The following FGD5 variants were observed in gnomAD, a reference collection of about 807,000 sequenced individuals.
The protein encoded by FGD5 is FYVE, RhoGEF and PH domain-containing protein 5.
A neutral mutation model predicts 133.4 loss-of-function variants in FGD5; 28 were observed. The ratio of observed to expected loss-of-function variants is 0.21; its 90% CI spans 0.16 to 0.29. FGD5 has a LOEUF of 0.29. FGD5 is among the 10% of genes least tolerant of loss of function. The probability of loss-of-function intolerance (pLI) is 1.00; values close to 1 mark genes in which losing one functional copy is unlikely to be tolerated. For missense variants in FGD5, 1,858 were observed against 1,895.2 expected (o/e 0.98, Z 0.36); for synonymous variants, 810 against 776.5 (o/e 1.04, Z -0.72).
In FGD5 at chr3:14,831,728, A is replaced by G. The variant is rs374771496; in HGVS notation, c.2525+10132A>G. Among the ~76,000 whole-genome samples the G allele has an allele frequency of 3.2e-4, 48 of 152,338 alleles. No individual in the cohort carries two copies. The East Asian group carries it at 4.8e-3, about 15-fold the overall frequency. Reference sequence around the variant, plus strand: ...TCCGTAAGCAGTAGGGAGCTATTCAAAGTTTTAGAGCAAAGGGTGGGAGGT... The same window carrying G: ...TCCGTAAGCAGTAGGGAGCTATTCAGAGTTTTAGAGCAAAGGGTGGGAGGT... On this transcript the variant is annotated intron_variant, in intron 1 of 19. Coordinates refer to ENST00000285046, the MANE Select transcript of FGD5 (RefSeq NM_152536.4).
At chr3:14,870,821 T>C (rs2037592798) in intron 2 of FGD5, among the ~76,000 whole-genome samples, 1 of 152,094 alleles carries the variant, frequency 6.6e-6, no homozygotes, top group Non-Finnish European at 1.5e-5. Flanking sequence ...CCTCTTCCCA[T>C]CCCCGGCCTG....
At chr3:14,892,499 T>G (rs1447481696) in intron 4 of FGD5, among the ~76,000 whole-genome samples, 1 of 152,132 alleles carries the variant, frequency 6.6e-6, no homozygotes, top group Non-Finnish European at 1.5e-5. Context: ...GCATCTGGCC[T>G]AAAGAAGATC....
chr3:14,891,610 C>G (rs1159793269), intron 4 of FGD5, among the ~76,000 whole-genome samples: 1 of 152,214 alleles, frequency 6.6e-6, no homozygotes, highest in East Asian at 1.9e-4. Flanking sequence ...AGCTCATCCT[C>G]CCTCCTTGGG....
chr3:14,848,437 T>G (rs2037096142), intron 1 of FGD5, among the ~76,000 whole-genome samples: 1 of 151,804 alleles, frequency 6.6e-6, no homozygotes, highest in Admixed American at 6.6e-5. Context: ...GCTGCAGCCT[T>G]AACACCGCAG....
At position 14,884,823 on chromosome 3, in the gene FGD5, C is replaced by G. The variant is rs113209375; in HGVS notation, c.2748+4051C>G. 2.1e-3 allele frequency among the ~76,000 whole-genome samples: 319 copies of G among 152,264 alleles called. 2 individuals carry two copies. Among genetic ancestry groups the G allele is most frequent in the African/African-American group, 7.1e-3 (297 of 41,556 alleles). On this transcript the variant is annotated intron_variant, in intron 4 of 19. Transcript: ENST00000285046. Reference sequence around the variant, plus strand: ...GACCAACTCAGCATTCCACTGGAGGCTATATGATCAAACAGCAAACTGTTT... The same window carrying G: ...GACCAACTCAGCATTCCACTGGAGGGTATATGATCAAACAGCAAACTGTTT...
intron 1 of FGD5, among the ~76,000 whole-genome samples, chr3:14,850,023 G>T (rs1278721462): frequency 2.6e-5 from 4 of 152,194 alleles, no homozygotes; most frequent in Non-Finnish European, 5.9e-5. Context: ...TTCAGATGTG[G>T]TGTGTGGTTA....
upstream of FGD5, among the ~76,000 whole-genome samples, chr3:14,815,700 G>A (rs1488411447): frequency 6.6e-6 from 1 of 152,138 alleles, no homozygotes; most frequent in African/African-American, 2.4e-5. Flanking sequence ...GGTCACCGTG[G>A]CCTTAGTTTC....
rs869290486 is a variant in FGD5 at position 14,844,217 on chromosome 3, A to AATAT, written c.2526-19859_2526-19856dup. Among the ~76,000 whole-genome samples, 58 of 20,264 alleles carry AATAT rather than the reference A, an allele frequency of 2.9e-3. 1 individual carries two copies. The highest frequency in any genetic ancestry group is 3.3e-3 in the African/African-American group (16 of 4,802). 13.3% of individuals were successfully genotyped at this position (20,264 alleles called of 152,430 possible). A position where few individuals can be genotyped will look rare whatever the true frequency, so the allele number is the denominator to read the frequency against. On this transcript the variant is annotated intron_variant, in intron 1 of 19. Transcript: ENST00000285046. ...CTTAATAGGCATTAAAAAAAAAAAA[A>AATAT]ATATATATATATATATATATATATA... is the stretch of plus-strand genomic sequence containing the variant.
At chr3:14,915,293 A>G (rs2038530846) in intron 11 of FGD5, among the ~76,000 whole-genome samples, 2 of 152,292 alleles carry the variant, frequency 1.3e-5, no homozygotes, top group Middle Eastern at 3.4e-3. Context: ...GCTGTGGGAA[A>G]ACTCATTCTG....
At chr3:14,933,017 TG>T in intron 19 of FGD5, 113 bp from the exon 20 acceptor site, 1 of 1,244,316 alleles carries the variant, frequency 8.0e-7, no homozygotes, top group Non-Finnish European at 1.2e-6. Flanking sequence ...AATTACGACA[TG>T]GTCCTTGACT....
upstream of FGD5, among the ~76,000 whole-genome samples, chr3:14,814,612 C>T (rs931711491): frequency 1.3e-5 from 2 of 152,186 alleles, no homozygotes; most frequent in African/African-American, 4.8e-5. Flanking sequence ...TGTCCACACT[C>T]ATGCCTCTGG....
intron 1 of FGD5, among the ~76,000 whole-genome samples, chr3:14,841,503 C>G (rs1409828142): frequency 6.7e-6 from 1 of 150,076 alleles, no homozygotes; most frequent in East Asian, 2.0e-4. Flanking sequence ...TTCAAGATTC[C>G]GAGACACAGA....
rs2038579929 is a variant in FGD5 at position 14,917,385 on chromosome 3, G to A, written c.3489+53G>A. 2.6e-5 allele frequency: 39 copies of A among 1,524,678 alleles called. No homozygotes were observed. Among genetic ancestry groups the A allele is most frequent in the Non-Finnish European group, 3.2e-5 (36 of 1,114,048 alleles). The allele number at this position is 1,524,678 out of a possible 1,614,324, so 94.4% of individuals were successfully genotyped here. A position where few individuals can be genotyped will look rare whatever the true frequency, so the allele number is the denominator to read the frequency against. Reference sequence around the variant, plus strand: ...GGTTGGGGGACAGGGAGACCCCAGGGGAGAAGGGGACAGCATCCTGCTCCC... The same window carrying A: ...GGTTGGGGGACAGGGAGACCCCAGGAGAGAAGGGGACAGCATCCTGCTCCC... On this transcript the variant is annotated intron_variant, in intron 12 of 19. Coordinates refer to ENST00000285046, the MANE Select transcript of FGD5 (RefSeq NM_152536.4). This position sits in a 1 kb window ranked among gnomAD's most constrained non-coding sequence, Gnocchi z 4.1.
At chr3:14,898,197 C>T in intron 6 of FGD5, 102 bp downstream of exon 6, 2 of 1,481,168 alleles carry the variant, frequency 1.4e-6, no homozygotes, top group South Asian at 1.2e-5. Context: ...AGGTGTGGGG[C>T]TGGGGAGCAG....
intron 1 of FGD5, among the ~76,000 whole-genome samples, chr3:14,843,702 TTGG>T (rs1347308771): frequency 5.6e-5 from 8 of 142,894 alleles, no homozygotes; most frequent in African/African-American, 1.1e-4. Context: ...TTTTTTTTTT[TTGG>T]GGGGAGACAG....
intron 1 of FGD5, among the ~76,000 whole-genome samples, chr3:14,863,889 C>T (rs2037446406): frequency 1.3e-5 from 2 of 152,150 alleles, no homozygotes; most frequent in South Asian, 4.2e-4. Context: ...GAGCCTGCCC[C>T]CTGTCTGCAG....
intron 1 of FGD5, among the ~76,000 whole-genome samples, chr3:14,840,653 G>A (rs1458413012): frequency 1.3e-5 from 2 of 152,112 alleles, no homozygotes; most frequent in African/African-American, 4.8e-5. Flanking sequence ...GTTATTTCCA[G>A]CCTTCTGCTA....
At chr3:14,824,291 C>A (rs1559469789) in intron 1 of FGD5, among the ~76,000 whole-genome samples, 3 of 152,156 alleles carry the variant, frequency 2.0e-5, no homozygotes, top group Admixed American at 2.0e-4. Context: ...TGAGTGACTG[C>A]CGTGGGGCTG....
At chr3:14,907,979 A>G (rs1460665262) in intron 10 of FGD5, among the ~76,000 whole-genome samples, 1 of 152,064 alleles carries the variant, frequency 6.6e-6, no homozygotes, top group African/African-American at 2.4e-5. Flanking sequence ...GGCTCTCCTC[A>G]CCTCCAAGGA....
Sources: gnomAD v4.1 joint callset for allele counts (sites outside exome capture counted in the v4.1 genomes callset) on GRCh38, gnomAD v4.1.1 for gene constraint, Gnocchi (gnomAD v3.1) non-coding constraint, MANE v1.5 for transcripts, NCBI Gene and HGNC (gene_info 2026-07-23, HGNC 2026-07-21) for gene names.